The following DNAH2 variants were observed in gnomAD, a reference collection of about 807,000 sequenced individuals.
DNAH2 encodes dynein axonemal heavy chain 2.
Under a neutral mutation model 523.5 loss-of-function variants are expected in DNAH2, and 323 were observed. That is an observed-to-expected ratio of 0.62 (90% CI 0.56 to 0.68). The LOEUF is 0.68. Among genes scored for constraint, DNAH2 ranks in the 30% least tolerant of loss-of-function variants. The pLI, the probability that DNAH2 is intolerant of heterozygous loss-of-function variation, is 0.00. For missense variants in DNAH2, 4,907 were observed against 5,701.5 expected, an observed-to-expected ratio of 0.86 and a Z score of 4.49; for synonymous variants, 2,093 against 2,177.4, an observed-to-expected ratio of 0.96 and a Z score of 1.08.
At position 7,754,459 on chromosome 17, in the gene DNAH2, C is replaced by A; in HGVS notation, c.1905-2632C>A. ...GCACAGAAATGGTATCAAGAAACCG[C>A]GATCACAAAGATACAAATCTCTTAA... On this transcript the variant is annotated intron_variant, in intron 12 of 85. Transcript: ENST00000572933. The surrounding 1 kb of genome is among the most constrained non-coding windows in gnomAD (Gnocchi z 4.6). 1.5e-6 allele frequency: 1 copy of A among 680,838 alleles called. No homozygotes were observed. Among genetic ancestry groups the A allele is most frequent in the Non-Finnish European group, 2.6e-6 (1 of 389,378 alleles). The allele number at this position is 680,838 out of a possible 1,614,324, so 42.2% of individuals were successfully genotyped here. A position where few individuals can be genotyped will look rare whatever the true frequency, so the allele number is the denominator to read the frequency against.
intron 63 of DNAH2, among the ~76,000 whole-genome samples, chr17:7,816,174 G>A (rs1597751619): frequency 6.6e-6 from 1 of 152,064 alleles, no homozygotes; most frequent in Non-Finnish European, 1.5e-5. Context: ...CTCTTTCAAG[G>A]TTCCACCTTA....
chr17:7,722,964 C>CTTTTTT (rs559136734), intron 2 of DNAH2, among the ~76,000 whole-genome samples: 8 of 114,692 alleles, frequency 7.0e-5, no homozygotes, highest in Non-Finnish European at 1.2e-4. Context: ...CTTTTCTTTC[C>CTTTTTT]TTTTTTTTTT....
chr17:7,784,616 T>C (rs2076687063), intron 39 of DNAH2, among the ~76,000 whole-genome samples: 1 of 152,126 alleles, frequency 6.6e-6, no homozygotes, highest in African/African-American at 2.4e-5. Context: ...TGTTGGACCA[T>C]GTAGGAAAAG....
intron 49 of DNAH2, 89 bp from the exon 50 acceptor site, chr17:7,796,375 A>G (rs2077063148): frequency 2.0e-6 from 3 of 1,467,978 alleles, no homozygotes; most frequent in South Asian, 1.3e-5. Context: ...CACCCCCTTA[A>G]ATTGTGCCCA....
Position 7,719,841 on chromosome 17 carries a change from G to C in DNAH2, c.107G>C (p.Gly36Ala), listed in dbSNP as rs373052860. ...GCTGCTGTGGCCACACAGGAGCAGG[G>C]GAATGCCCCGGCTGTCAGTGAGCCA... ...TRAAVATQEQ[G>A]NAPAVSEPEL... Residue 36 changes from glycine (G) to alanine (A), a missense_variant, in exon 2 of 86, where the codon GGG (glycine) becomes GCG (alanine). Gly to Ala is a moderately conservative substitution (Grantham distance 60). Coordinates refer to ENST00000572933, the MANE Select transcript of DNAH2 (RefSeq NM_020877.5). 3 of 1,606,352 alleles carry C rather than the reference G, an allele frequency of 1.9e-6. No individual in the cohort carries two copies. Among genetic ancestry groups the C allele is most frequent in the African/African-American group, 2.7e-5 (2 of 74,916 alleles).
At position 7,723,588 on chromosome 17, in the gene DNAH2, C is replaced by T. The variant is rs776481528; in HGVS notation, c.167-40C>T. On this transcript the variant is annotated intron_variant, in intron 2 of 85. Transcript: ENST00000572933. ...CGCCCAGCTGACTGTGTTTAACTTT[C>T]CAAGAAATGCCTTCCTTTTTGTATG... 1.1e-5 allele frequency: 18 copies of T among 1,595,996 alleles called. No homozygotes were observed. The South Asian group carries it at 1.7e-4, about 15-fold the overall frequency.
chr17:7,820,015 C>T (rs1315632595), intron 72 of DNAH2, among the ~76,000 whole-genome samples: 1 of 152,112 alleles, frequency 6.6e-6, no homozygotes, highest in Admixed American at 6.6e-5. Context: ...CCCTATGTTG[C>T]CCTGGCTCGT....
chr17:7,775,402 T>A, intron 30 of DNAH2, 60 bp downstream of exon 30: 1 of 1,521,832 alleles, frequency 6.6e-7, no homozygotes, highest in South Asian at 1.2e-5. Flanking sequence ...AAAGTTCACC[T>A]GGGTCGGGCG....
chr17:7,768,934 C>G (rs1040740027), intron 24 of DNAH2, among the ~76,000 whole-genome samples: 1 of 152,216 alleles, frequency 6.6e-6, no homozygotes, highest in Admixed American at 6.5e-5. Flanking sequence ...ACATTTTCAT[C>G]CTCCATTCAT....
Position 7,832,164 on chromosome 17 carries a change from A to G in DNAH2, c.12726+389A>G, listed in dbSNP as rs1217181613. Among the ~76,000 whole-genome samples the G allele has an allele frequency of 6.6e-6, 1 of 152,102 alleles. No individual in the cohort carries two copies. Among genetic ancestry groups the G allele is most frequent in the East Asian group, 1.9e-4 (1 of 5,202 alleles). On this transcript the variant is annotated intron_variant, in intron 82 of 85. Coordinates refer to ENST00000572933, the MANE Select transcript of DNAH2 (RefSeq NM_020877.5). The surrounding 1 kb of genome is among the most constrained non-coding windows in gnomAD (Gnocchi z 4.3). ...GAGCTTTGTTCACCTGTAGTTGGGG[A>G]ACAGGGGCTGCCACCACATAGTCTT... is the stretch of plus-strand genomic sequence containing the variant.
chr17:7,818,147 G>T (rs1480778206), intron 68 of DNAH2, 51 bp downstream of exon 68: 1 of 1,606,636 alleles, frequency 6.2e-7, no homozygotes, highest in African/African-American at 1.3e-5. Context: ...GGAGGGAAGG[G>T]CTGGCTCTCT....
At chr17:7,814,599 C>T (rs2077608919) in intron 63 of DNAH2, among the ~76,000 whole-genome samples, 1 of 152,186 alleles carries the variant, frequency 6.6e-6, no homozygotes, top group Admixed American at 6.5e-5. Context: ...CATGGTTGGG[C>T]GTGGTGGCTC....
chr17:7,779,955 A>G (rs141404764), intron 36 of DNAH2, among the ~76,000 whole-genome samples: 4 of 152,304 alleles, frequency 2.6e-5, no homozygotes, highest in African/African-American at 7.2e-5. Flanking sequence ...AAAGTAAGGA[A>G]AGGACCAGAG....
chr17:7,749,489 T>C (rs1258471453), intron 12 of DNAH2, among the ~76,000 whole-genome samples: 1 of 151,984 alleles, frequency 6.6e-6, no homozygotes, highest in African/African-American at 2.4e-5. Context: ...TTGAAGGACA[T>C]GATAATACGT....
intron 3 of DNAH2, among the ~76,000 whole-genome samples, chr17:7,725,628 G>A (rs1402278097): frequency 6.6e-6 from 1 of 150,864 alleles, no homozygotes; most frequent in African/African-American, 2.4e-5. Flanking sequence ...TAGAGGCAGG[G>A]TTTCACCATG....
At chr17:7,728,166 A>T (rs888364212) in intron 4 of DNAH2, among the ~76,000 whole-genome samples, 2 of 152,206 alleles carry the variant, frequency 1.3e-5, no homozygotes, top group Non-Finnish European at 2.9e-5. Context: ...TGGAGAATAC[A>T]TTAGACAAGG....
In DNAH2 at chr17:7,824,713, A is replaced by G; in HGVS notation, c.11839A>G (p.Thr3947Ala). The change falls in exon 77 of 86, where the codon ACA becomes GCA. Residue 3947 changes from threonine (T) to alanine (A), a missense_variant. Thr to Ala is a moderately conservative substitution (Grantham distance 58). This residue lies in a region of DNAH2 where 1,851 missense variants were observed against 2,139.4 expected (regional missense o/e 0.87). Transcript: ENST00000572933. The stretch of plus-strand genomic sequence containing the variant: ...CTTGCAGGTCAGCATCAAGATGACC[A>G]CAGAGCCACCAAAGGTATGTGGCCA... The part of the protein sequence containing the change: ...SILQVSIKMT[T>A]EPPKGLKANM... 1.3e-6 allele frequency: 2 copies of G among 1,574,470 alleles called. No homozygotes were observed. Among genetic ancestry groups the G allele is most frequent in the Non-Finnish European group, 1.7e-6 (2 of 1,154,044 alleles).
In DNAH2 at chr17:7,770,862, C is replaced by T. The variant is rs777742686; in HGVS notation, c.4291C>T (p.Arg1431Cys). The stretch of plus-strand genomic sequence containing the variant: ...TGAGAAGGATGTGGACCACTGGGAA[C>T]GCTGCCTCTCCCTCATTTTGGAGGT... Reference protein sequence around the residue: ...AFEKDVDHWERCLSLILEVIE... With the variant: ...AFEKDVDHWECCLSLILEVIE... The change falls in exon 27 of 86, where the codon CGC becomes TGC. Residue 1431 changes from arginine to cysteine, a missense_variant. Arg to Cys is a radical substitution (Grantham distance 180). This residue lies in a region of DNAH2 where 2,806 missense variants were observed against 3,190.8 expected (regional missense o/e 0.88). Coordinates refer to ENST00000572933, the MANE Select transcript of DNAH2 (RefSeq NM_020877.5). 57 of 1,614,052 alleles carry T rather than the reference C, an allele frequency of 3.5e-5. No individual in the cohort carries two copies. Among genetic ancestry groups the T allele is most frequent in the South Asian group, 1.9e-4 (17 of 91,080 alleles).
In DNAH2 at chr17:7,786,532, C is replaced by T. The variant is rs776835642; in HGVS notation, c.6349-38C>T. 2.0e-5 allele frequency: 31 copies of T among 1,577,594 alleles called. 1 individual carries two copies. In the South Asian group the frequency reaches 3.4e-4, roughly 18 times the overall value. On this transcript the variant is annotated intron_variant, in intron 40 of 85. Coordinates refer to ENST00000572933, the MANE Select transcript of DNAH2 (RefSeq NM_020877.5). This position sits in a 1 kb window ranked among gnomAD's most constrained non-coding sequence, Gnocchi z 7.5. ...TCTGGAAATAAAGAGGGGTTTTTGTCCATCAGCAGCTAAAACCCCTTCCGG... is the reference window on the plus strand; with the variant it reads ...TCTGGAAATAAAGAGGGGTTTTTGTTCATCAGCAGCTAAAACCCCTTCCGG...
Sources: gnomAD v4.1 joint callset for allele counts (sites outside exome capture counted in the v4.1 genomes callset) on GRCh38, gnomAD v4.1.1 for gene constraint, gnomAD v4.1.1 regional missense constraint, Gnocchi (gnomAD v3.1) non-coding constraint, MANE v1.5 for transcripts, NCBI Gene and HGNC (gene_info 2026-07-23, HGNC 2026-07-21) for gene names.